Variants in OPRM1 observed in about 807,000 individuals in gnomAD.
The protein encoded by OPRM1 is opioid receptor mu 1, also known as mu-type opioid receptor.
Under a neutral mutation model 31.8 loss-of-function variants are expected in OPRM1, and 27 were observed. That is an observed-to-expected ratio of 0.85 (90% CI 0.63 to 1.17). The LOEUF is 1.17. Ranked by LOEUF, OPRM1 falls within the 50% of genes most tolerant of loss-of-function variation. OPRM1 has a pLI of 0.00. For synonymous variants in OPRM1, 196 were observed against 189.9 expected, an observed-to-expected ratio of 1.03 and a Z score of -0.26; for missense variants, 536 against 511.1, an observed-to-expected ratio of 1.05 and a Z score of -0.47.
At chr6:154,108,126 C>A in intron 3 of OPRM1, 1 of 585,664 alleles carries the variant, frequency 1.7e-6, no homozygotes, top group Non-Finnish European at 3.1e-6. Context: ...GCTTGCGGCA[C>A]CATCGCCTAC....
At chr6:154,064,112 C>T (rs1416129619) in intron 1 of OPRM1, among the ~76,000 whole-genome samples, 1 of 152,018 alleles carries the variant, frequency 6.6e-6, no homozygotes, top group African/African-American at 2.4e-5. Flanking sequence ...GGGTCCTATA[C>T]GTTCTTCATA....
chr6:154,076,264 T>C (rs955249663), intron 1 of OPRM1, among the ~76,000 whole-genome samples: 1 of 152,098 alleles, frequency 6.6e-6, no homozygotes, highest in African/African-American at 2.4e-5. Flanking sequence ...CCACCACAGG[T>C]AGTCAAAATG....
intron 3 of OPRM1, among the ~76,000 whole-genome samples, chr6:154,145,512 A>G (rs533149497): frequency 3.9e-5 from 6 of 152,380 alleles, no homozygotes; most frequent in Admixed American, 1.3e-4. Flanking sequence ...CATTTAAATA[A>G]ATGGAGAGAC....
chr6:154,083,386 A>C (rs1789618507), intron 1 of OPRM1: 1 of 152,270 alleles, frequency 6.6e-6, no homozygotes, highest in Non-Finnish European at 1.5e-5. Context: ...ATTAGCTTCT[A>C]CACAATTATT....
chr6:154,149,361 C>T (rs1324884578), intron 3 of OPRM1, among the ~76,000 whole-genome samples: 2 of 152,086 alleles, frequency 1.3e-5, no homozygotes, highest in African/African-American at 4.8e-5. Flanking sequence ...TAACTGTCCC[C>T]ATGATTCAAT....
At chr6:154,031,737 TCTC>T (rs1779019964) in intron 1 of OPRM1, among the ~76,000 whole-genome samples, 1 of 151,798 alleles carries the variant, frequency 6.6e-6, no homozygotes, top group Non-Finnish European at 1.5e-5. Flanking sequence ...TGAGACTCCG[TCTC>T]GGAAAAAAAT....
At chr6:154,192,475 T>C (rs988905696) in intron 3 of OPRM1, among the ~76,000 whole-genome samples, 1 of 152,054 alleles carries the variant, frequency 6.6e-6, no homozygotes, top group African/African-American at 2.4e-5. Context: ...AGCATATAAA[T>C]ATCGAGTCAT....
chr6:154,051,914 C>T (rs1782269713), intron 1 of OPRM1, among the ~76,000 whole-genome samples: 1 of 152,118 alleles, frequency 6.6e-6, no homozygotes, highest in Non-Finnish European at 1.5e-5. Flanking sequence ...ATAGCAAAGA[C>T]ATGGAACCAA....
chr6:154,039,073 G>T, upstream of OPRM1: 1 of 1,405,030 alleles, frequency 7.1e-7, no homozygotes, highest in East Asian at 2.5e-5. Flanking sequence ...AAAATTGAGT[G>T]ATGTTAGCCC....
intron 1 of OPRM1, among the ~76,000 whole-genome samples, chr6:154,042,736 G>A (rs1780328845): frequency 6.6e-6 from 1 of 152,164 alleles, no homozygotes; most frequent in African/African-American, 2.4e-5. Flanking sequence ...AAGATTTTAA[G>A]TCCAGATGTT....
chr6:154,012,738 A>G (rs908078361), intron 1 of OPRM1, among the ~76,000 whole-genome samples: 8 of 152,196 alleles, frequency 5.3e-5, no homozygotes, highest in African/African-American at 1.9e-4. Context: ...AATACCATAG[A>G]CTGGTGATTT....
chr6:154,134,815 T>TA (rs1359381207), downstream of OPRM1, among the ~76,000 whole-genome samples: 2 of 151,984 alleles, frequency 1.3e-5, no homozygotes, highest in Admixed American at 1.3e-4. Context: ...ACAAGAGTCC[T>TA]AAAAAACCAC....
At chr6:154,113,242 G>C (rs1796529439) in intron 3 of OPRM1, among the ~76,000 whole-genome samples, 1 of 152,182 alleles carries the variant, frequency 6.6e-6, no homozygotes, top group Non-Finnish European at 1.5e-5. Context: ...CTAAAATGTG[G>C]ACTCTGATGC....
chr6:154,099,148 G>A (rs1018854700), intron 3 of OPRM1, among the ~76,000 whole-genome samples: 5 of 151,972 alleles, frequency 3.3e-5, no homozygotes, highest in Admixed American at 6.6e-5. Flanking sequence ...AGCCAGGCGC[G>A]GTGGCATGCA....
chr6:154,224,558 A>G (rs138900007), intron 3 of OPRM1, among the ~76,000 whole-genome samples: 2 of 152,142 alleles, frequency 1.3e-5, no homozygotes, highest in East Asian at 3.9e-4. Context: ...AAATTCAAAA[A>G]ATATTAGCTG....
intron 3 of OPRM1, among the ~76,000 whole-genome samples, chr6:154,113,284 A>G (rs1796535287): frequency 6.6e-6 from 1 of 152,218 alleles, no homozygotes; most frequent in South Asian, 2.1e-4. Flanking sequence ...CTGTATGGAA[A>G]TAGAAAACCA....
chr6:154,097,962 G>A (rs1441876592), intron 3 of OPRM1, among the ~76,000 whole-genome samples: 1 of 152,204 alleles, frequency 6.6e-6, no homozygotes, highest in Non-Finnish European at 1.5e-5. Flanking sequence ...GGGTGCAGTG[G>A]CTCACGCCTG....
chr6:154,157,479 G>C (rs1168101536), intron 3 of OPRM1: 2 of 152,174 alleles, frequency 1.3e-5, no homozygotes, highest in African/African-American at 4.8e-5. Flanking sequence ...TCTTGACTTT[G>C]AAAAATAAAT....
At chr6:154,022,027 G>T (rs1039944921) in intron 1 of OPRM1, among the ~76,000 whole-genome samples, 1 of 152,206 alleles carries the variant, frequency 6.6e-6, no homozygotes, top group Non-Finnish European at 1.5e-5. Context: ...AAAAGGGTTG[G>T]TGAAAGGAGA....
Sources: gnomAD v4.1 joint callset for allele counts (sites outside exome capture counted in the v4.1 genomes callset) on GRCh38, gnomAD v4.1.1 for gene constraint, MANE v1.5 for transcripts, NCBI Gene and HGNC (gene_info 2026-07-23, HGNC 2026-07-21) for gene names.